Variants in RTEL1 observed in about 807,000 individuals in gnomAD.
RTEL1 encodes the protein regulator of telomere length.
Under a neutral mutation model 162.2 loss-of-function variants are expected in RTEL1, and 86 were observed. The ratio of observed to expected loss-of-function variants is 0.53; its 90% confidence interval spans 0.45 to 0.63. The LOEUF (loss-of-function observed/expected upper bound fraction) is 0.63. Among genes scored for constraint, RTEL1 ranks in the 30% least tolerant of loss-of-function variants. RTEL1 has a pLI of 0.00. For missense variants in RTEL1, 1,941 were observed against 1,750.2 expected (o/e 1.11, Z -1.95); for synonymous variants, 958 against 717.9 (o/e 1.33, Z -5.35).
intron 12 of RTEL1, among the ~76,000 whole-genome samples, 184 bp from the exon 13 acceptor site, chr20:63,679,665 C>G (rs1221189381): frequency 6.6e-6 from 1 of 152,156 alleles, no homozygotes; most frequent in Non-Finnish European, 1.5e-5. Flanking sequence ...ACAGTTGTTG[C>G]CTTCAGTTCC....
At chr20:63,681,625 G>A (rs898768900) in intron 14 of RTEL1, 1 of 985,392 alleles carries the variant, frequency 1.0e-6, no homozygotes. Context: ...GCATGGAGCT[G>A]CAGATCCCGG....
intron 12 of RTEL1, among the ~76,000 whole-genome samples, chr20:63,678,649 G>GAACAGCACACACACTCCCACA (rs2090413110): frequency 5.9e-5 from 2 of 33,832 alleles, no homozygotes; most frequent in Admixed American, 2.2e-4. Flanking sequence ...ACACTCCCAC[G>GAACAGCACACACACTCCCACA]GAACAGCACA....
At chr20:63,679,407 T>C (rs1033493465) in intron 12 of RTEL1, among the ~76,000 whole-genome samples, 1 of 152,086 alleles carries the variant, frequency 6.6e-6, no homozygotes, top group Non-Finnish European at 1.5e-5. Flanking sequence ...CTCCAAAGCT[T>C]TGGGGACTCT....
rs559740073 is a variant in RTEL1 at position 63,666,542 on chromosome 20, C to T, written c.614+463C>T. Among the ~76,000 whole-genome samples, 8 of 152,262 alleles carry T rather than the reference C, an allele frequency of 5.3e-5. No individual in the cohort carries two copies. In the South Asian group the frequency reaches 1.4e-3, roughly 28 times the overall value. On this transcript the variant is annotated intron_variant, in intron 7 of 34. Transcript: ENST00000360203. ...TTATATTGAGGGGGAAACCTCCCTC[C>T]CCCTTTTTTTTGAAACAGGGTCTCG... is the stretch of plus-strand genomic sequence containing the variant.
intron 30 of RTEL1, among the ~76,000 whole-genome samples, chr20:63,693,582 A>ACCTCCACCACCTCCACCACCACCT (rs1601189125): frequency 4.8e-5 from 1 of 20,624 alleles, no homozygotes. Flanking sequence ...CACCTCCACC[A>ACCTCCACCACCTCCACCACCACCT]CCACCACCTC....
chr20:63,688,528 G>A lies in RTEL1; in HGVS notation c.1723G>A (p.Ala575Thr), dbSNP rs759577852. The part of the protein sequence containing the change: ...VMEKSLEFWR[A>T]RDLARKMEAL... Reference sequence around the variant, plus strand: ...GTGTCCCTGCCTCTTCCTCCCACAGGCCCGCGACTTGGCCAGGAAGATGGA... The same window carrying A: ...GTGTCCCTGCCTCTTCCTCCCACAGACCCGCGACTTGGCCAGGAAGATGGA... The change falls in exon 21 of 35, where the codon GCC becomes ACC. Residue 575 changes from alanine (A) to threonine (T), a missense_variant and splice_region_variant. Transcript: ENST00000360203. 2.4e-5 allele frequency: 38 copies of A among 1,610,240 alleles called. No homozygotes were observed. Among genetic ancestry groups the A allele is most frequent in the Non-Finnish European group, 3.2e-5 (38 of 1,179,440 alleles).
At position 63,690,858 on chromosome 20, in the gene RTEL1, GA is replaced by G. The variant is rs1188257054; in HGVS notation, c.2468del (p.Glu823GlyfsTer81). 1 of 1,604,282 alleles carries G rather than the reference GA, an allele frequency of 6.2e-7. No individual in the cohort carries two copies. The highest frequency in any genetic ancestry group is 1.7e-5 in the Admixed American group (1 of 59,180). ...ESSLCVEYEQ[E>X]PVPARQRPRG... ...TAGCCTGTGTGTGGAGTATGAGCAG[GA>G]GCCAGTTCCTGCCCGGCAGAGGCCC... On this transcript the variant is annotated frameshift_variant, in exon 27 of 35. Transcript: ENST00000360203. LOFTEE classifies it high-confidence loss of function.
intron 14 of RTEL1, chr20:63,681,405 A>C: frequency 5.1e-6 from 5 of 985,180 alleles, no homozygotes; most frequent in Non-Finnish European, 6.0e-6. Context: ...TGGGGAAGCC[A>C]AGGCACAGGT....
At position 63,685,443 on chromosome 20, in the gene RTEL1, C is replaced by T. The variant is rs1292208563; in HGVS notation, c.1192-80C>T. The T allele has an allele frequency of 9.1e-6, 13 of 1,435,824 alleles. No homozygotes were observed. The Admixed American group carries it at 2.2e-4, about 24-fold the overall frequency. 88.9% of individuals were successfully genotyped at this position (1,435,824 alleles called of 1,614,324 possible). On this transcript the variant is annotated intron_variant, in intron 14 of 34. Transcript: ENST00000360203. Reference sequence around the variant, plus strand: ...CGATGACCCCTGGGTGTCCTGTGACCTTCTGTGTATGCGGCTGATGCTGCA... The same window carrying T: ...CGATGACCCCTGGGTGTCCTGTGACTTTCTGTGTATGCGGCTGATGCTGCA...
rs975476121 is a variant in RTEL1 at position 63,658,330 on chromosome 20, G to A, written c.-307G>A. The stretch of plus-strand genomic sequence containing the variant: ...GGGGGGCGGAAGTGCAGTGGGCTCA[G>A]CGCCGACTGCGCGCCTCTGCCCGCG... On this transcript the variant is annotated 5_prime_UTR_variant, in exon 1 of 35. Coordinates refer to ENST00000360203, the MANE Select transcript of RTEL1 (RefSeq NM_001283009.2). 6.6e-6 allele frequency: 1 copy of A among 152,418 alleles called. No homozygotes were observed. Among genetic ancestry groups the A allele is most frequent in the African/African-American group, 2.4e-5 (1 of 41,478 alleles). The allele number at this position is 152,418 out of a possible 1,614,324, so 9.4% of individuals were successfully genotyped here.
Position 63,689,604 on chromosome 20 carries a change from C to G in RTEL1, c.1981C>G (p.Gln661Glu). 4.3e-6 allele frequency: 7 copies of G among 1,612,316 alleles called. No individual in the cohort carries two copies. Among genetic ancestry groups the G allele is most frequent in the Non-Finnish European group, 5.9e-6 (7 of 1,179,660 alleles). ...RMDPRVVLKM[Q>E]FLDEMKGQGG... ...GGACCCCCGGGTTGTCCTCAAGATG[C>G]AGTTCCTGGATGAGATGAAGGGCCA... Residue 661 changes from glutamine (Q) to glutamate (E), a missense_variant, in exon 23 of 35, where the codon CAG becomes GAG. Coordinates refer to ENST00000360203, the MANE Select transcript of RTEL1 (RefSeq NM_001283009.2).
rs372333653 is a variant in RTEL1 at position 63,667,410 on chromosome 20, C to T, written c.615-59C>T. The T allele has an allele frequency of 2.3e-5, 32 of 1,384,318 alleles. No individual in the cohort carries two copies. In the African/African-American group the frequency reaches 3.3e-4, roughly 14 times the overall value. 85.8% of individuals were successfully genotyped at this position (1,384,318 alleles called of 1,614,324 possible). A position where few individuals can be genotyped will look rare whatever the true frequency, so the allele number is the denominator to read the frequency against. ...CTTCCGGGTCAGAAGACATGGCGGC[C>T]TCGGGGCACCGTCCCCTGCATGGGG... On this transcript the variant is annotated intron_variant, in intron 7 of 34. Coordinates refer to ENST00000360203, the MANE Select transcript of RTEL1 (RefSeq NM_001283009.2).
At position 63,659,449 on chromosome 20, in the gene RTEL1, A is replaced by G. The variant is rs748145576; in HGVS notation, c.47A>G (p.Gln16Arg). The change falls in exon 2 of 35, where the codon CAG becomes CGG. Residue 16 changes from glutamine to arginine, a missense_variant. By Grantham distance (43) the Gln-to-Arg change is conservative. Transcript: ENST00000360203. ...LNGVTVDFPFQPYKCQQEYMT... is the reference protein window; with the variant it reads ...LNGVTVDFPFRPYKCQQEYMT... The stretch of plus-strand genomic sequence containing the variant: ...GGTGTGACCGTAGACTTCCCTTTCC[A>G]GCCCTACAAATGCCAACAGGAGTAC... The G allele has an allele frequency of 1.4e-5, 23 of 1,613,978 alleles. No individual in the cohort carries two copies. In the East Asian group the frequency reaches 4.9e-4, roughly 34 times the overall value.
At position 63,693,159 on chromosome 20, in the gene RTEL1, G is replaced by C; in HGVS notation, c.2868G>C (p.Val956=). The change falls in exon 30 of 35, where the codon GTG becomes GTC. Residue 956 remains valine, a synonymous_variant. Coordinates refer to ENST00000360203, the MANE Select transcript of RTEL1 (RefSeq NM_001283009.2). ...CCTCTACAGGCTTCTACCAGTTTGT[G>C]CGGCCCCACCATAAGCAGCAGTTTG... ...HNLLQGFYQF[V]RPHHKQQFEE... 6.2e-7 allele frequency: 1 copy of C among 1,612,186 alleles called. No individual in the cohort carries two copies. Among genetic ancestry groups the C allele is most frequent in the Non-Finnish European group, 8.5e-7 (1 of 1,179,562 alleles).
chr20:63,681,288 G>T (rs2090473028), intron 14 of RTEL1: 3 of 985,288 alleles, frequency 3.0e-6, no homozygotes, highest in Non-Finnish European at 3.6e-6. Flanking sequence ...TGGCGTAGAG[G>T]TGCTTGTCCG....
At chr20:63,666,775 C>G (rs1300831006) in intron 7 of RTEL1, among the ~76,000 whole-genome samples, 3 of 152,020 alleles carry the variant, frequency 2.0e-5, no homozygotes, top group African/African-American at 2.4e-5. Context: ...AGAGTTCCAC[C>G]TGCCTTGGCC....
intron 24 of RTEL1, 50 bp downstream of exon 24, chr20:63,689,915 C>T: frequency 6.4e-7 from 1 of 1,556,226 alleles, no homozygotes; most frequent in Non-Finnish European, 8.8e-7. Context: ...CGCCCACACC[C>T]CACTGGGCCC....
chr20:63,662,073 G>C, intron 4 of RTEL1, 130 bp downstream of exon 4: 1 of 756,032 alleles, frequency 1.3e-6, no homozygotes, highest in Non-Finnish European at 2.2e-6. Flanking sequence ...CCCGAAGTGT[G>C]CAGAGCGCTG....
In RTEL1 at chr20:63,689,524, C is replaced by T. The variant is rs865802900; in HGVS notation, c.1901C>T (p.Ser634Leu). The change falls in exon 23 of 35, where the codon TCA (serine) becomes TTA (leucine). Residue 634 changes from serine to leucine, a missense_variant. Physicochemically the swap from Ser to Leu is moderately radical, Grantham distance 145. Transcript: ENST00000360203. ...TAGGCCAGCGAGGGGCTGGACTTCT[C>T]AGACACGAATGGCCGTGGTGTGATT... ...RGKASEGLDFSDTNGRGVIVT... is the reference protein window; with the variant it reads ...RGKASEGLDFLDTNGRGVIVT... The T allele has an allele frequency of 1.2e-6, 2 of 1,608,074 alleles. No individual in the cohort carries two copies. Among genetic ancestry groups the T allele is most frequent in the Non-Finnish European group, 8.5e-7 (1 of 1,178,040 alleles).
Sources: gnomAD v4.1 joint callset for allele counts (sites outside exome capture counted in the v4.1 genomes callset) on GRCh38, gnomAD v4.1.1 for gene constraint, MANE v1.5 for transcripts, NCBI Gene and HGNC (gene_info 2026-07-23, HGNC 2026-07-21) for gene names.